RASA3: variants seen among roughly 807,000 people sequenced by gnomAD.
The protein encoded by RASA3 is RAS p21 protein activator 3, also known as ras GTPase-activating protein 3.
In RASA3, 73 loss-of-function variants were observed where a neutral mutation model predicts 110.0. That is an observed-to-expected ratio of 0.66 (90% CI 0.55 to 0.81). The LOEUF is 0.81. RASA3 is among the 30% of genes least tolerant of loss of function. The pLI, the probability that RASA3 is intolerant of heterozygous loss-of-function variation, is 0.00. For missense variants in RASA3, 976 were observed against 1,113.2 expected (o/e 0.88, Z 1.75); for synonymous variants, 500 against 451.4 (o/e 1.11, Z -1.37).
In RASA3 at chr13:114,115,544, C is replaced by A. The variant is rs370578050; in HGVS notation, c.55+16891G>T. Among the ~76,000 whole-genome samples the A allele has an allele frequency of 2.6e-5, 4 of 152,218 alleles. No homozygotes were observed. Among genetic ancestry groups the A allele is most frequent in the African/African-American group, 9.7e-5 (4 of 41,446 alleles). ...GAGACTCATGCCCTAGAGATAAAGC[C>A]GTCGGAGGCAGAGTGCAGGCCTCGA... On this transcript the variant is annotated intron_variant, in intron 1 of 23. Transcript: ENST00000334062. This position sits in a 1 kb window ranked among gnomAD's most constrained non-coding sequence, Gnocchi z 5.0.
intron 2 of RASA3, among the ~76,000 whole-genome samples, chr13:114,072,395 T>TTCTTGGCTGACTCCTCTCTTCC (rs2079587200): frequency 6.6e-6 from 1 of 152,206 alleles, no homozygotes. Context: ...GAGTTTGTTT[T>TTCTTGGCTGACTCCTCTCTTCC]TCTTGGCTGA....
At chr13:113,979,478 C>T in intron 23 of RASA3, 56 bp from the exon 24 acceptor site, 2 of 1,407,920 alleles carry the variant, frequency 1.4e-6, no homozygotes, top group Non-Finnish European at 2.0e-6. Flanking sequence ...CTGGTGCTCA[C>T]CCGTGGCTGC....
chr13:114,087,707 G>GTCCGA (rs1566563922), intron 1 of RASA3, among the ~76,000 whole-genome samples: 1 of 152,208 alleles, frequency 6.6e-6, no homozygotes, highest in African/African-American at 2.4e-5. Context: ...CAGGGCGCCC[G>GTCCGA]CCCGACACCA....
At chr13:114,066,093 G>A (rs868038574) in intron 2 of RASA3, among the ~76,000 whole-genome samples, 2 of 151,842 alleles carry the variant, frequency 1.3e-5, no homozygotes, top group Non-Finnish European at 2.9e-5. Flanking sequence ...ACCACTGCAC[G>A]CAGCACCCCG....
At chr13:114,109,861 C>G (rs115701990) in intron 1 of RASA3, among the ~76,000 whole-genome samples, 2 of 152,240 alleles carry the variant, frequency 1.3e-5, no homozygotes, top group Non-Finnish European at 2.9e-5. Context: ...CGGCACGAGA[C>G]TCAGCATCGT....
intron 18 of RASA3, among the ~76,000 whole-genome samples, chr13:114,003,234 G>A (rs1485354999): frequency 1.3e-5 from 2 of 152,234 alleles, no homozygotes; most frequent in Non-Finnish European, 2.9e-5. Context: ...AAACCTTGGT[G>A]TGAGTCGCAG....
rs2139279452 is a variant in RASA3 at position 114,014,940 on chromosome 13, C to T, written c.1405+269G>A. ...CAGGGCTGGGCCCCTCTAGAGACCA[C>T]TGCGGTGGTGATCTCCAGGGCTGGG... On this transcript the variant is annotated intron_variant, in intron 14 of 23. Transcript: ENST00000334062. The surrounding 1 kb of genome is among the most constrained non-coding windows in gnomAD (Gnocchi z 4.5). 6.6e-6 allele frequency among the ~76,000 whole-genome samples: 1 copy of T among 152,252 alleles called. No individual in the cohort carries two copies. Among genetic ancestry groups the T allele is most frequent in the East Asian group, 1.9e-4 (1 of 5,166 alleles).
At chr13:114,080,013 C>T (rs1240353296) in intron 1 of RASA3, among the ~76,000 whole-genome samples, 1 of 152,232 alleles carries the variant, frequency 6.6e-6, no homozygotes, top group Non-Finnish European at 1.5e-5. Context: ...CCCGAAGGGC[C>T]TGCGAAGCTG....
rs1047139681 is a variant in RASA3 at position 114,132,513 on chromosome 13, C to T, written c.-24G>A. On this transcript the variant is annotated 5_prime_UTR_variant, in exon 1 of 24. Transcript: ENST00000334062. ...ATGCTGCGCGTCCGCGCCCGCCGAG[C>T]CTCGCCCCAAGCGCGCGCCGAGCCC... 2 of 1,476,546 alleles carry T rather than the reference C, an allele frequency of 1.4e-6. No individual in the cohort carries two copies. Among genetic ancestry groups the T allele is most frequent in the South Asian group, 2.6e-5 (2 of 78,070 alleles). 91.5% of individuals were successfully genotyped at this position (1,476,546 alleles called of 1,614,324 possible).
chr13:114,030,453 G>GACTCACACA (rs1566501670), intron 4 of RASA3, among the ~76,000 whole-genome samples: 21 of 110,160 alleles, frequency 1.9e-4, no homozygotes, highest in African/African-American at 5.5e-4. Flanking sequence ...CAGAGGGCAA[G>GACTCACACA]GCTCACACAG....
At chr13:114,090,701 C>T (rs1468496556) in intron 1 of RASA3, among the ~76,000 whole-genome samples, 5 of 152,228 alleles carry the variant, frequency 3.3e-5, no homozygotes, top group Non-Finnish European at 7.3e-5. Flanking sequence ...CGGGCACGGG[C>T]GTCTCTGCAG....
intron 1 of RASA3, among the ~76,000 whole-genome samples, chr13:114,131,637 A>G (rs9525182): frequency 0.35 from 53,381 of 152,138 alleles, 9,467 homozygotes; most frequent in Middle Eastern, 0.44. Context: ...CTCAGTGGAA[A>G]GGGACGTGGT....
chr13:114,066,154 C>T (rs1295765049), intron 2 of RASA3, among the ~76,000 whole-genome samples: 12 of 152,150 alleles, frequency 7.9e-5, no homozygotes, highest in African/African-American at 2.4e-4. Flanking sequence ...GCTCTTTCCT[C>T]TCTCCCACCC....
intron 21 of RASA3, among the ~76,000 whole-genome samples, chr13:113,995,651 G>A (rs997129143): frequency 9.1e-5 from 13 of 143,460 alleles, no homozygotes; most frequent in Admixed American, 3.4e-4. Context: ...AGCTGACGGG[G>A]GGCCCAGCTG....
At chr13:113,998,451 T>C (rs903295351) in intron 20 of RASA3, among the ~76,000 whole-genome samples, 3 of 152,270 alleles carry the variant, frequency 2.0e-5, no homozygotes, top group Non-Finnish European at 2.9e-5. Flanking sequence ...GCCCAGGGAC[T>C]GTGCCTTCCC....
chr13:114,091,969 G>A (rs2079894720), intron 1 of RASA3, among the ~76,000 whole-genome samples: 1 of 151,774 alleles, frequency 6.6e-6, no homozygotes, highest in African/African-American at 2.4e-5. Flanking sequence ...GTGTATAGCT[G>A]TTCATAATAG....
In RASA3 at chr13:113,992,725, C is replaced by T. The variant is rs2053148067; in HGVS notation, c.2142-137G>A. ...AGTGAAATTCGACAGGATCGATTTG[C>T]TGTCCGTCTGTGCACAGCCGGTGTG... On this transcript the variant is annotated intron_variant, in intron 21 of 23. Coordinates refer to ENST00000334062, the MANE Select transcript of RASA3 (RefSeq NM_007368.4). 5 of 715,874 alleles carry T rather than the reference C, an allele frequency of 7.0e-6. No homozygotes were observed. In the South Asian group the frequency reaches 8.4e-5, roughly 12 times the overall value. 44.3% of individuals were successfully genotyped at this position (715,874 alleles called of 1,614,324 possible). A position where few individuals can be genotyped will look rare whatever the true frequency, so the allele number is the denominator to read the frequency against.
chr13:114,057,902 G>A lies in RASA3; in HGVS notation c.174-5747C>T, dbSNP rs1242049847. Among the ~76,000 whole-genome samples, 3 of 152,210 alleles carry A rather than the reference G, an allele frequency of 2.0e-5. No homozygotes were observed. The highest frequency in any genetic ancestry group is 2.1e-4 in the South Asian group (1 of 4,834). On this transcript the variant is annotated intron_variant, in intron 2 of 23. Transcript: ENST00000334062. This position sits in a 1 kb window ranked among gnomAD's most constrained non-coding sequence, Gnocchi z 5.0. ...GAGGCTGGAGAGCTGCCATCCTAGCGCACACTGGGTAGATGCAGGTGTTTC... is the reference window on the plus strand; with the variant it reads ...GAGGCTGGAGAGCTGCCATCCTAGCACACACTGGGTAGATGCAGGTGTTTC...
intron 18 of RASA3, among the ~76,000 whole-genome samples, chr13:114,001,209 T>G (rs955688331): frequency 2.6e-5 from 4 of 152,182 alleles, no homozygotes; most frequent in African/African-American, 9.7e-5. Context: ...CTTTCAACAG[T>G]GGTGCTGCCA....
Sources: gnomAD v4.1 joint callset for allele counts (sites outside exome capture counted in the v4.1 genomes callset) on GRCh38, gnomAD v4.1.1 for gene constraint, Gnocchi (gnomAD v3.1) non-coding constraint, MANE v1.5 for transcripts, NCBI Gene and HGNC (gene_info 2026-07-23, HGNC 2026-07-21) for gene names.